MAP3K4: variants seen among roughly 807,000 people sequenced by gnomAD.
MAP3K4 encodes the protein mitogen-activated protein kinase kinase kinase 4, also known as MAP three kinase 1.
Under a neutral mutation model 185.6 loss-of-function variants are expected in MAP3K4, and 67 were observed. The observed-to-expected ratio is 0.36, with a 90% confidence interval of 0.30 to 0.44. The LOEUF is 0.44. Among genes scored for constraint, MAP3K4 ranks in the 20% least tolerant of loss-of-function variants. MAP3K4 has a pLI of 1.00. For missense variants in MAP3K4, 1,551 were observed against 1,995.1 expected (o/e 0.78, Z 4.24); for synonymous variants, 702 against 710.4 (o/e 0.99, Z 0.19).
At chr6:161,019,309 G>T (rs889854042) in intron 1 of MAP3K4, among the ~76,000 whole-genome samples, 1 of 152,158 alleles carries the variant, frequency 6.6e-6, no homozygotes, top group African/African-American at 2.4e-5. Context: ...TTTTGTTCTT[G>T]TAGTGGTTTT....
chr6:161,095,799 T>G (rs3798917), intron 15 of MAP3K4, among the ~76,000 whole-genome samples: 22,236 of 152,284 alleles, frequency 0.15, 2,200 homozygotes, highest in Admixed American at 0.29. Context: ...ACATCCATTT[T>G]GCTTATTAGC....
Position 161,007,128 on chromosome 6 carries a change from G to C in MAP3K4, c.152+15045G>C. ...AATTGTACTCATTGTTGTGTCCCCA[G>C]GTCACAGACCAGAAACAAGGCACAG... On this transcript the variant is annotated intron_variant, in intron 1 of 26. Transcript: ENST00000392142. The surrounding 1 kb of genome is among the most constrained non-coding windows in gnomAD (Gnocchi z 4.5). 6.6e-6 allele frequency among the ~76,000 whole-genome samples: 1 copy of C among 152,126 alleles called. No individual in the cohort carries two copies. Among genetic ancestry groups the C allele is most frequent in the South Asian group, 2.1e-4 (1 of 4,830 alleles).
rs145401032 is a variant in MAP3K4, at chr6:161,110,940, G to A, written c.4397-896G>A. Among the ~76,000 whole-genome samples, 5 of 152,298 alleles carry A rather than the reference G, an allele frequency of 3.3e-5. No individual in the cohort carries two copies. The highest frequency in any genetic ancestry group is 3.9e-4 in the East Asian group (2 of 5,178). On this transcript the variant is annotated intron_variant, in intron 23 of 26. Transcript: ENST00000392142. The surrounding 1 kb of genome is among the most constrained non-coding windows in gnomAD (Gnocchi z 4.8). ...CACTGTCACAAAATGGTGTTTGCAC[G>A]TTTGTTCCGTGGCAGGAAGAGACTC...
rs1374991221 is a variant in MAP3K4, at chr6:161,063,983, T to C, written c.1708-6625T>C. On this transcript the variant is annotated intron_variant, in intron 3 of 26. Transcript: ENST00000392142. The surrounding 1 kb of genome is among the most constrained non-coding windows in gnomAD (Gnocchi z 5.4). ...GGGGAGTCATGACCACCCCTTTTCATCTAGTTTTGTTGGAGGTTTGTCTCA... is the reference window on the plus strand; with the variant it reads ...GGGGAGTCATGACCACCCCTTTTCACCTAGTTTTGTTGGAGGTTTGTCTCA... 6.6e-6 allele frequency among the ~76,000 whole-genome samples: 1 copy of C among 152,140 alleles called. No individual in the cohort carries two copies. Among genetic ancestry groups the C allele is most frequent in the East Asian group, 1.9e-4 (1 of 5,190 alleles).
chr6:161,072,005 T>C (rs1055296654), intron 4 of MAP3K4, among the ~76,000 whole-genome samples: 9 of 152,206 alleles, frequency 5.9e-5, no homozygotes, highest in African/African-American at 2.2e-4. Context: ...TGTAATACTT[T>C]GAAAAATAAA....
chr6:161,036,210 T>G (rs1307635052), intron 2 of MAP3K4, among the ~76,000 whole-genome samples: 12 of 152,166 alleles, frequency 7.9e-5, no homozygotes, highest in Non-Finnish European at 1.8e-4. Context: ...TTTATGAAAT[T>G]ATAGAATTTT....
chr6:161,057,803 G>A (rs1486488565), intron 3 of MAP3K4, among the ~76,000 whole-genome samples: 1 of 152,206 alleles, frequency 6.6e-6, no homozygotes, highest in Non-Finnish European at 1.5e-5. Flanking sequence ...GTAATTGAAT[G>A]ACACACTAAC....
rs149698261 is a variant in MAP3K4, at chr6:161,104,085, G to A, written c.3856+1306G>A. On this transcript the variant is annotated intron_variant, in intron 19 of 26. Coordinates refer to ENST00000392142, the MANE Select transcript of MAP3K4 (RefSeq NM_005922.4). ...AAACTTGGGAACCACTTGGAATTATGTTTCTCTTGTGAGAGTTACAGTTCA... is the reference window on the plus strand; with the variant it reads ...AAACTTGGGAACCACTTGGAATTATATTTCTCTTGTGAGAGTTACAGTTCA... 2.2e-4 allele frequency among the ~76,000 whole-genome samples: 34 copies of A among 152,260 alleles called. No homozygotes were observed. The East Asian group carries it at 6.4e-3, about 29-fold the overall frequency.
rs78541238 is a variant in MAP3K4 at position 161,072,182 on chromosome 6, A to G, written c.1951-1284A>G. Reference sequence around the variant, plus strand: ...CTTTTTGTTAGATTTAACTGTAGCCATAGCTCTCTTACAGTGGATAATTAC... The same window carrying G: ...CTTTTTGTTAGATTTAACTGTAGCCGTAGCTCTCTTACAGTGGATAATTAC... On this transcript the variant is annotated intron_variant, in intron 4 of 26. Transcript: ENST00000392142. Among the ~76,000 whole-genome samples, 6 of 152,372 alleles carry G rather than the reference A, an allele frequency of 3.9e-5. No individual in the cohort carries two copies. In the East Asian group the frequency reaches 1.2e-3, roughly 29 times the overall value.
chr6:161,038,473 T>TA (rs1222477567), intron 2 of MAP3K4, among the ~76,000 whole-genome samples: 3 of 152,240 alleles, frequency 2.0e-5, no homozygotes, highest in Admixed American at 6.5e-5. Flanking sequence ...TGTGAACTGT[T>TA]ACATTATTTC....
rs1345857562 is a variant in MAP3K4 at position 161,097,494 on chromosome 6, T to G, written c.3524+318T>G. 4.6e-5 allele frequency among the ~76,000 whole-genome samples: 7 copies of G among 152,196 alleles called. No homozygotes were observed. The East Asian group carries it at 1.3e-3, about 29-fold the overall frequency. ...AAAAATAACCTTCAGAAAACAAATT[T>G]GAATATGGATAGTGTAGTCAACATT... is the stretch of plus-strand genomic sequence containing the variant. On this transcript the variant is annotated intron_variant, in intron 16 of 26. Coordinates refer to ENST00000392142, the MANE Select transcript of MAP3K4 (RefSeq NM_005922.4). The surrounding 1 kb of genome is among the most constrained non-coding windows in gnomAD (Gnocchi z 4.9).
At position 161,049,760 on chromosome 6, in the gene MAP3K4, G is replaced by A. The variant is rs767843362; in HGVS notation, c.1488G>A (p.Arg496=). 6.8e-6 allele frequency: 11 copies of A among 1,614,158 alleles called. No homozygotes were observed. The highest frequency in any genetic ancestry group is 9.3e-6 in the Non-Finnish European group (11 of 1,180,032). Residue 496 remains arginine (R), a synonymous_variant, in exon 3 of 27, where the codon AGG becomes AGA. Coordinates refer to ENST00000392142, the MANE Select transcript of MAP3K4 (RefSeq NM_005922.4). The surrounding 1 kb of genome is among the most constrained non-coding windows in gnomAD (Gnocchi z 8.4). ...SRDCISKKLE[R]LESEDDSLGW... Reference sequence around the variant, plus strand: ...ACTGCATATCCAAGAAGCTTGAGAGGCTCGAATCTGAGGATGATTCTCTTG... The same window carrying A: ...ACTGCATATCCAAGAAGCTTGAGAGACTCGAATCTGAGGATGATTCTCTTG...
chr6:161,065,710 G>A (rs545495857), intron 3 of MAP3K4, among the ~76,000 whole-genome samples: 142 of 152,212 alleles, frequency 9.3e-4, no homozygotes, highest in African/African-American at 3.2e-3. Context: ...AGGCCAAGGC[G>A]GGTGGATCAT....
At position 161,032,173 on chromosome 6, in the gene MAP3K4, A is replaced by G. The variant is rs118150261; in HGVS notation, c.153-2086A>G. Among the ~76,000 whole-genome samples the G allele has an allele frequency of 1.9e-3, 283 of 152,342 alleles. 1 individual carries two copies. The East Asian group carries it at 0.027, about 14-fold the overall frequency. On this transcript the variant is annotated intron_variant, in intron 1 of 26. Coordinates refer to ENST00000392142, the MANE Select transcript of MAP3K4 (RefSeq NM_005922.4). ...TAAGTATATTAAGTGTGGAAATTAA[A>G]TGAAAACAGAAACCTTATAATATTG...
At chr6:161,018,999 T>G (rs902547709) in intron 1 of MAP3K4, among the ~76,000 whole-genome samples, 6 of 152,304 alleles carry the variant, frequency 3.9e-5, no homozygotes, top group Admixed American at 1.3e-4. Context: ...CAAAATGCAA[T>G]GCAGAGAGAA....
At chr6:161,015,307 G>T (rs1027101379) in intron 1 of MAP3K4, among the ~76,000 whole-genome samples, 4 of 151,732 alleles carry the variant, frequency 2.6e-5, no homozygotes, top group Non-Finnish European at 5.9e-5. Context: ...GGGGCCTGTT[G>T]ATGGTGGGGG....
rs3798915 is a variant in MAP3K4 at position 161,074,137 on chromosome 6, G to A, written c.2097+525G>A. Among the ~76,000 whole-genome samples, 23,552 of 152,198 alleles carry A rather than the reference G, an allele frequency of 0.15. 2,053 individuals carry two copies. The highest frequency in any genetic ancestry group is 0.28 in the East Asian group (1,465 of 5,174). ...TAGATGGTAACGCCCCCGAGGGCTCGGTGCCAGCAGAGAAGCTTGCTGTGT... is the reference window on the plus strand; with the variant it reads ...TAGATGGTAACGCCCCCGAGGGCTCAGTGCCAGCAGAGAAGCTTGCTGTGT... On this transcript the variant is annotated intron_variant, in intron 5 of 26. Coordinates refer to ENST00000392142, the MANE Select transcript of MAP3K4 (RefSeq NM_005922.4). This position sits in a 1 kb window ranked among gnomAD's most constrained non-coding sequence, Gnocchi z 5.0.
rs985678866 is a variant in MAP3K4 at position 161,115,023 on chromosome 6, A to G, written c.4627-100A>G. The G allele has an allele frequency of 1.0e-4, 108 of 1,077,214 alleles. No individual in the cohort carries two copies. Among genetic ancestry groups the G allele is most frequent in the Middle Eastern group, 5.7e-4 (2 of 3,506 alleles). The allele number at this position is 1,077,214 out of a possible 1,614,324, so 66.7% of individuals were successfully genotyped here. A position where few individuals can be genotyped will look rare whatever the true frequency, so the allele number is the denominator to read the frequency against. ...TTCAGTAAAAATTTGCTGTCCCCTG[A>G]TATATATTAATGATGAGATGCTTAA... On this transcript the variant is annotated intron_variant, in intron 25 of 26. Transcript: ENST00000392142. The surrounding 1 kb of genome is among the most constrained non-coding windows in gnomAD (Gnocchi z 6.0).
At chr6:161,059,372 A>G (rs886813173) in intron 3 of MAP3K4, among the ~76,000 whole-genome samples, 1 of 152,088 alleles carries the variant, frequency 6.6e-6, no homozygotes, top group African/African-American at 2.4e-5. Flanking sequence ...CCTGGCCTCA[A>G]GTGATCTGCC....
Sources: allele counts gnomAD v4.1 joint callset (sites outside exome capture counted in the v4.1 genomes callset), GRCh38; gene constraint gnomAD v4.1.1; non-coding constraint Gnocchi (gnomAD v3.1); transcripts MANE v1.5; gene names NCBI Gene and HGNC (gene_info 2026-07-23, HGNC 2026-07-21).